MDGA1: variants seen among roughly 807,000 people sequenced by gnomAD.
MDGA1 encodes MAM domain containing glycosylphosphatidylinositol anchor 1, also known as MAM domain-containing glycosylphosphatidylinositol anchor protein 1.
In MDGA1, 54 loss-of-function variants were observed where a neutral mutation model predicts 101.5. The observed-to-expected ratio is 0.53, with a 90% CI of 0.43 to 0.67. MDGA1 has a LOEUF of 0.67. Ranked by LOEUF, MDGA1 falls within the 30% of genes least tolerant of loss-of-function variation. The pLI, the probability that MDGA1 is intolerant of heterozygous loss-of-function variation, is 0.00. For synonymous variants in MDGA1, 533 were observed against 558.3 expected (o/e 0.95, Z 0.64); for missense variants, 1,083 against 1,323.8 (o/e 0.82, Z 2.82).
intron 16 of MDGA1, chr6:37,637,992 G>A (rs1476109898): frequency 1.5e-5 from 9 of 605,228 alleles, no homozygotes; most frequent in African/African-American, 1.3e-4. Context: ...TGCTCATCAC[G>A]AGGGTGGGGG....
intron 9 of MDGA1, among the ~76,000 whole-genome samples, chr6:37,647,937 A>G (rs990420068): frequency 6.6e-6 from 1 of 152,120 alleles, no homozygotes; most frequent in Non-Finnish European, 1.5e-5. Context: ...TGCTGCTGGG[A>G]AAGCTGTGTA....
chr6:37,643,061 C>T (rs773030140), intron 14 of MDGA1, among the ~76,000 whole-genome samples: 8 of 152,196 alleles, frequency 5.3e-5, no homozygotes, highest in Non-Finnish European at 1.0e-4. Context: ...GGAGAAGTCA[C>T]ACAGATCTAG....
At chr6:37,691,083 T>A (rs1762299547) in intron 1 of MDGA1, among the ~76,000 whole-genome samples, 1 of 152,154 alleles carries the variant, frequency 6.6e-6, no homozygotes, top group Non-Finnish European at 1.5e-5. Context: ...CTACCTTACA[T>A]GTGATTCCCC....
intron 1 of MDGA1, among the ~76,000 whole-genome samples, chr6:37,677,152 T>G (rs557795129): frequency 6.6e-6 from 1 of 152,272 alleles, no homozygotes; most frequent in South Asian, 2.1e-4. Context: ...GAGGTTCAAA[T>G]TGGAAGTTAA....
intron 1 of MDGA1, among the ~76,000 whole-genome samples, chr6:37,689,923 G>A (rs1018697338): frequency 3.3e-5 from 5 of 152,138 alleles, no homozygotes; most frequent in Non-Finnish European, 7.4e-5. Context: ...AGCCAGAGAG[G>A]TTCTATTAAA....
chr6:37,643,671 C>A, intron 14 of MDGA1, 138 bp downstream of exon 14: 2 of 1,215,014 alleles, frequency 1.6e-6, no homozygotes, highest in East Asian at 4.8e-5. Flanking sequence ...TCTGTGCAGA[C>A]CCGTCCAAGG....
chr6:37,637,540 C>T (rs574932970), intron 16 of MDGA1, 81 bp from the exon 17 acceptor site: 5 of 1,220,880 alleles, frequency 4.1e-6, no homozygotes, highest in African/African-American at 1.5e-5. Context: ...CAGGTCGGCA[C>T]TGTTACTCTG....
chr6:37,658,151 C>T, intron 3 of MDGA1, 94 bp downstream of exon 3: 2 of 1,377,502 alleles, frequency 1.5e-6, no homozygotes, highest in Non-Finnish European at 1.9e-6. Flanking sequence ...CCGTTCCACC[C>T]CATGCCCACT....
chr6:37,630,935 G>A lies in MDGA1; in HGVS notation c.*6433C>T, dbSNP rs1040031490. ...GCAGTTCAGGGCTTCCAGAGAGAAC[G>A]TTCCAAGAGGCCTGAGCTGAAGCTC... On this transcript the variant is annotated 3_prime_UTR_variant, in exon 17 of 17. Transcript: ENST00000434837. The A allele has an allele frequency of 2.0e-5, 3 of 152,326 alleles. No individual in the cohort carries two copies. The highest frequency in any genetic ancestry group is 3.9e-4 in the East Asian group (2 of 5,176). The allele number at this position is 152,326 out of a possible 1,614,324, so 9.4% of individuals were successfully genotyped here. A position where few individuals can be genotyped will look rare whatever the true frequency, so the allele number is the denominator to read the frequency against.
chr6:37,647,148 A>G (rs1364393847), intron 10 of MDGA1, 25 bp downstream of exon 10: 14 of 1,576,552 alleles, frequency 8.9e-6, no homozygotes, highest in Non-Finnish European at 1.2e-5. Context: ...ACCTGCCCCC[A>G]GGCCCCCGCT....
chr6:37,693,116 G>C (rs1282533441), intron 1 of MDGA1, among the ~76,000 whole-genome samples: 1 of 152,226 alleles, frequency 6.6e-6, no homozygotes, highest in Admixed American at 6.5e-5. Flanking sequence ...ATTTCTGTAA[G>C]TGAAAAGAAA....
rs1198912840 is a variant in MDGA1, at chr6:37,649,026, A to ACG, written c.1848_1849dup (p.Val617AlafsTer68). 2 of 1,549,930 alleles carry ACG rather than the reference A, an allele frequency of 1.3e-6. No individual in the cohort carries two copies. Among genetic ancestry groups the ACG allele is most frequent in the Admixed American group, 3.9e-5 (2 of 51,560 alleles). Reference sequence around the variant, plus strand: ...GGCAGCCGAGCCCACATCGTTGGAGACGCTGCACTCGTAGCTGCCGCTGCT... The same window carrying ACG: ...GGCAGCCGAGCCCACATCGTTGGAGACGCGCTGCACTCGTAGCTGCCGCTGCT... On this transcript the variant is annotated frameshift_variant, in exon 9 of 17. Coordinates refer to ENST00000434837, the MANE Select transcript of MDGA1 (RefSeq NM_153487.4). LOFTEE classifies it high-confidence loss of function.
chr6:37,658,468 G>T, intron 2 of MDGA1, 49 bp from the exon 3 acceptor site: 1 of 1,547,824 alleles, frequency 6.5e-7, no homozygotes, highest in South Asian at 1.2e-5. Flanking sequence ...CACACGGGGT[G>T]GGGGCCTCAG....
chr6:37,666,471 T>C (rs956179783), intron 1 of MDGA1, among the ~76,000 whole-genome samples: 1 of 152,240 alleles, frequency 6.6e-6, no homozygotes, highest in African/African-American at 2.4e-5. Flanking sequence ...AGATAAAGCC[T>C]GTACAGAATG....
At chr6:37,646,401 T>C (rs774503080) in intron 10 of MDGA1, 26 bp from the exon 11 acceptor site, 2 of 1,438,738 alleles carry the variant, frequency 1.4e-6, no homozygotes, top group South Asian at 3.2e-5. Flanking sequence ...AGTTCCCAGA[T>C]GCCTAGGAAG....
intron 1 of MDGA1, among the ~76,000 whole-genome samples, chr6:37,668,856 TTTC>T (rs1761811329): frequency 6.6e-6 from 1 of 152,136 alleles, no homozygotes; most frequent in African/African-American, 2.4e-5. Flanking sequence ...TCTCTCTCTC[TTTC>T]TTTTTTGAGA....
chr6:37,689,636 C>T (rs1232481896), intron 1 of MDGA1, among the ~76,000 whole-genome samples: 1 of 152,138 alleles, frequency 6.6e-6, no homozygotes, highest in Non-Finnish European at 1.5e-5. Flanking sequence ...GGATTCAGAC[C>T]CAGGTTTCTT....
At chr6:37,647,934 G>A (rs888771734) in intron 9 of MDGA1, among the ~76,000 whole-genome samples, 5 of 152,156 alleles carry the variant, frequency 3.3e-5, no homozygotes, top group African/African-American at 1.2e-4. Context: ...GGGTGCTGCT[G>A]GGAAAGCTGT....
In MDGA1 at chr6:37,696,521, G is replaced by C. The variant is rs1216056957; in HGVS notation, c.67+224C>G. On this transcript the variant is annotated intron_variant, in intron 1 of 16. Coordinates refer to ENST00000434837, the MANE Select transcript of MDGA1 (RefSeq NM_153487.4). This position sits in a 1 kb window ranked among gnomAD's most constrained non-coding sequence, Gnocchi z 5.6. ...TCTAGCAGGGTGTGGGAAAGTGGGT[G>C]CCTCCTCCTGACATCCCGGCTTCCC... 1.3e-5 allele frequency among the ~76,000 whole-genome samples: 2 copies of C among 152,200 alleles called. No individual in the cohort carries two copies. Among genetic ancestry groups the C allele is most frequent in the African/African-American group, 4.8e-5 (2 of 41,440 alleles).
Sources: gnomAD v4.1 joint callset for allele counts (sites outside exome capture counted in the v4.1 genomes callset) on GRCh38, gnomAD v4.1.1 for gene constraint, Gnocchi (gnomAD v3.1) non-coding constraint, MANE v1.5 for transcripts, NCBI Gene and HGNC (gene_info 2026-07-23, HGNC 2026-07-21) for gene names.